Variants in SNTG1 observed in about 807,000 individuals in gnomAD.
SNTG1 encodes gamma-1-syntrophin.
SNTG1 carries 39 observed loss-of-function variants against 74.7 expected under a neutral mutation model. That is an observed-to-expected ratio of 0.52 (90% confidence interval 0.40 to 0.68). The LOEUF (loss-of-function observed/expected upper bound fraction) is 0.68, where lower values mean the gene tolerates loss of function less well. Among genes scored for constraint, SNTG1 ranks in the 30% least tolerant of loss-of-function variants. SNTG1 has a pLI of 0.00. For synonymous variants in SNTG1, 254 were observed against 217.1 expected, an observed-to-expected ratio of 1.17 and a Z score of -1.49; for missense variants, 685 against 609.5, an observed-to-expected ratio of 1.12 and a Z score of -1.30.
At chr8:50,303,661 C>T (rs2130690176) in intron 2 of SNTG1, among the ~76,000 whole-genome samples, 1 of 151,928 alleles carries the variant, frequency 6.6e-6, no homozygotes, top group Admixed American at 6.6e-5. Context: ...CTGCAAAAGT[C>T]TTTTTGGTCT....
chr8:49,943,888 C>T (rs762711119), intron 1 of SNTG1, among the ~76,000 whole-genome samples: 3 of 151,868 alleles, frequency 2.0e-5, no homozygotes, highest in African/African-American at 4.8e-5. Flanking sequence ...TTTTGTTATC[C>T]CATTAATTTG....
At chr8:50,016,022 A>T (rs1377799474) in intron 1 of SNTG1, among the ~76,000 whole-genome samples, 1 of 152,114 alleles carries the variant, frequency 6.6e-6, no homozygotes, top group African/African-American at 2.4e-5. Flanking sequence ...CAGGCCTTGC[A>T]GTTTTCAGTG....
intron 4 of SNTG1, among the ~76,000 whole-genome samples, chr8:50,421,782 T>C (rs937507244): frequency 1.3e-5 from 2 of 152,128 alleles, no homozygotes; most frequent in South Asian, 2.1e-4. Context: ...AAAAAAGGCA[T>C]ACAGACTTAC....
At chr8:50,139,492 A>G (rs1223594395) in intron 1 of SNTG1, among the ~76,000 whole-genome samples, 2 of 152,234 alleles carry the variant, frequency 1.3e-5, no homozygotes, top group East Asian at 1.9e-4. Context: ...ATTAACCTAG[A>G]AAACAGAATG....
At chr8:49,913,170 T>C (rs1042078219) in intron 1 of SNTG1, among the ~76,000 whole-genome samples, 1 of 152,196 alleles carries the variant, frequency 6.6e-6, no homozygotes, top group Admixed American at 6.5e-5. Flanking sequence ...AAGAATCCGA[T>C]CAATTCCAAT....
Position 50,449,684 on chromosome 8 carries a change from A to T in SNTG1, c.236A>T (p.Asn79Ile). The change falls in exon 6 of 19, where the codon AAC becomes ATC. Residue 79 changes from asparagine to isoleucine, a missense_variant. Transcript: ENST00000642720. ...GLSIKGGAEH[N>I]IPVVVSKISK... is the part of the protein sequence containing the mutation. Reference sequence around the variant, plus strand: ...TCTTTTCAGGGAGGAGCAGAACATAACATTCCAGTTGTCGTTTCAAAAATC... The same window carrying T: ...TCTTTTCAGGGAGGAGCAGAACATATCATTCCAGTTGTCGTTTCAAAAATC... 1 of 1,599,672 alleles carries T rather than the reference A, an allele frequency of 6.3e-7. No homozygotes were observed. Among genetic ancestry groups the T allele is most frequent in the Non-Finnish European group, 8.5e-7 (1 of 1,171,770 alleles).
At chr8:50,621,340 A>T (rs1223158549) in intron 13 of SNTG1, among the ~76,000 whole-genome samples, 1 of 152,178 alleles carries the variant, frequency 6.6e-6, no homozygotes, top group Non-Finnish European at 1.5e-5. Context: ...CGGCCTTACA[A>T]GCACAAAGTA....
At chr8:50,069,568 G>C (rs998794463) in intron 1 of SNTG1, among the ~76,000 whole-genome samples, 2 of 133,366 alleles carry the variant, frequency 1.5e-5, no homozygotes, top group African/African-American at 2.7e-5. Context: ...TCTCTGGGCA[G>C]TGAGATTGGG....
intron 8 of SNTG1, among the ~76,000 whole-genome samples, chr8:50,484,141 T>TTTCTTTCTTTCTTTCTTTCTTTCTTTCC (rs1256171947): frequency 1.1e-5 from 1 of 92,786 alleles, no homozygotes. Context: ...TCTTTCCTTC[T>TTTCTTTCTTTCTTTCTTTCTTTCTTTCC]TTCTTTCTTT....
intron 1 of SNTG1, among the ~76,000 whole-genome samples, chr8:50,128,323 G>T (rs1563633170): frequency 6.6e-6 from 1 of 152,086 alleles, no homozygotes; most frequent in South Asian, 2.1e-4. Context: ...GAAATATTTT[G>T]CTCTTTTTGA....
intron 9 of SNTG1, among the ~76,000 whole-genome samples, chr8:50,526,416 C>T (rs987094000): frequency 2.6e-5 from 4 of 152,114 alleles, no homozygotes; most frequent in Non-Finnish European, 5.9e-5. Flanking sequence ...TCTTTTTACC[C>T]ATTTTTAATG....
intron 4 of SNTG1, among the ~76,000 whole-genome samples, chr8:50,432,300 C>T (rs2093246663): frequency 6.6e-6 from 1 of 151,354 alleles, no homozygotes; most frequent in Non-Finnish European, 1.5e-5. Context: ...TGTTTTTATT[C>T]TTTTGTCAAA....
intron 2 of SNTG1, among the ~76,000 whole-genome samples, chr8:50,237,633 A>G (rs1489127188): frequency 2.6e-5 from 4 of 152,148 alleles, no homozygotes; most frequent in African/African-American, 9.7e-5. Flanking sequence ...CAAAGAAGGC[A>G]AAAGGGGATT....
At chr8:50,404,582 T>A (rs1390395325) in intron 4 of SNTG1, among the ~76,000 whole-genome samples, 1 of 152,022 alleles carries the variant, frequency 6.6e-6, no homozygotes, top group African/African-American at 2.4e-5. Context: ...AGTGGAACAT[T>A]CTAAAGAGTC....
chr8:50,306,508 T>A (rs2089902173), intron 2 of SNTG1, among the ~76,000 whole-genome samples: 1 of 152,050 alleles, frequency 6.6e-6, no homozygotes, highest in Non-Finnish European at 1.5e-5. Flanking sequence ...ATTTACACTC[T>A]CAAAAGCAGT....
intron 1 of SNTG1, among the ~76,000 whole-genome samples, chr8:50,019,591 C>A (rs1045955393): frequency 6.6e-6 from 1 of 152,052 alleles, no homozygotes; most frequent in Admixed American, 6.6e-5. Flanking sequence ...ATTCATGTAT[C>A]CATGCATGGG....
In SNTG1 at chr8:50,205,071, T is replaced by C. The variant is rs188384411; in HGVS notation, c.-28+32436T>C. Among the ~76,000 whole-genome samples, 598 of 152,344 alleles carry C rather than the reference T, an allele frequency of 3.9e-3. 5 individuals carry two copies. Among genetic ancestry groups the C allele is most frequent in the Non-Finnish European group, 7.1e-3 (485 of 68,042 alleles). ...TTATAACAGCATGATTTATAATCTT[T>C]TGGGTATACACCCAGTAATGAGATG... On this transcript the variant is annotated intron_variant, in intron 2 of 18. Coordinates refer to ENST00000642720, the MANE Select transcript of SNTG1 (RefSeq NM_018967.5).
intron 1 of SNTG1, among the ~76,000 whole-genome samples, chr8:50,085,428 A>G (rs1203604791): frequency 6.6e-6 from 1 of 152,186 alleles, no homozygotes. Flanking sequence ...ATGCAAACAA[A>G]ATATTTTTCT....
intron 8 of SNTG1, among the ~76,000 whole-genome samples, chr8:50,465,673 C>T (rs1207785516): frequency 6.6e-6 from 1 of 152,136 alleles, no homozygotes; most frequent in Non-Finnish European, 1.5e-5. Flanking sequence ...TTTCCTTTAA[C>T]AGAATGCCAA....
Sources: allele counts gnomAD v4.1 joint callset (sites outside exome capture counted in the v4.1 genomes callset), GRCh38; gene constraint gnomAD v4.1.1; transcripts MANE v1.5; gene names NCBI Gene and HGNC (gene_info 2026-07-23, HGNC 2026-07-21).